CELF2: variants seen among roughly 807,000 people sequenced by gnomAD.
The protein encoded by CELF2 is CUGBP Elav-like family member 2, also known as CUG triplet repeat RNA-binding protein 2.
CELF2 carries 8 observed loss-of-function variants against 62.6 expected under a neutral mutation model. The ratio of observed to expected loss-of-function variants is 0.13; its 90% CI spans 0.07 to 0.23. The LOEUF (loss-of-function observed/expected upper bound fraction) is 0.23. CELF2 is among the 10% of genes least tolerant of loss of function. The pLI is 1.00. For missense variants in CELF2, 333 were observed against 671.0 expected (o/e 0.50, Z 5.56); for synonymous variants, 258 against 250.0 (o/e 1.03, Z -0.30).
chr10:10,706,842 G>A, the CELF2 span, among the ~76,000 whole-genome samples: 2 of 152,154 alleles, frequency 1.3e-5, no homozygotes, highest in East Asian at 3.8e-4. Flanking sequence ...CAAAACCTTA[G>A]GCAGCTAGAT....
At chr10:10,961,760 GAAA>G (rs67279619) in intron 2 of CELF2, among the ~76,000 whole-genome samples, 2 of 141,434 alleles carry the variant, frequency 1.4e-5, no homozygotes, top group South Asian at 4.5e-4. Flanking sequence ...CAAAAAAAAA[GAAA>G]AAAAAAAAGA....
In CELF2 at chr10:11,165,009, C is replaced by T. The variant is rs1425023218; in HGVS notation, c.75-477C>T. 8 of 958,398 alleles carry T rather than the reference C, an allele frequency of 8.3e-6. No individual in the cohort carries two copies. The East Asian group carries it at 4.6e-4, about 55-fold the overall frequency. 59.4% of individuals were successfully genotyped at this position (958,398 alleles called of 1,614,324 possible). On this transcript the variant is annotated intron_variant, in intron 1 of 12. Coordinates refer to ENST00000633077, the MANE Select transcript of CELF2 (RefSeq NM_001326342.2). The surrounding 1 kb of genome is among the most constrained non-coding windows in gnomAD (Gnocchi z 7.4). ...TGACTTTATTATTACCACCTCTCTC[C>T]TCTCTTCCAAAAACCTCCCAAAAAG...
At chr10:11,124,024 A>G (rs993608241) in intron 1 of CELF2, among the ~76,000 whole-genome samples, 2 of 152,222 alleles carry the variant, frequency 1.3e-5, no homozygotes, top group African/African-American at 4.8e-5. Flanking sequence ...GTCACGTCTT[A>G]CATGGTGGCA....
At chr10:11,118,509 C>T (rs139648766) in intron 1 of CELF2, among the ~76,000 whole-genome samples, 1 of 152,206 alleles carries the variant, frequency 6.6e-6, no homozygotes, top group African/African-American at 2.4e-5. Flanking sequence ...TACGTCACTT[C>T]TGTTAAAAGA....
chr10:11,245,725 G>A (rs1341307740), intron 3 of CELF2, among the ~76,000 whole-genome samples: 2 of 152,220 alleles, frequency 1.3e-5, no homozygotes, highest in African/African-American at 4.8e-5. Context: ...CAGCTATAGA[G>A]ATCAGGTCCT....
chr10:10,970,805 A>G (rs1218575960), intron 2 of CELF2: 9 of 152,104 alleles, frequency 5.9e-5, no homozygotes, highest in Non-Finnish European at 1.5e-5. Flanking sequence ...TACACTCTTC[A>G]ATTCACCAAA....
chr10:11,187,901 G>A (rs550053414), intron 2 of CELF2, among the ~76,000 whole-genome samples: 4 of 152,078 alleles, frequency 2.6e-5, no homozygotes, highest in South Asian at 4.2e-4. Flanking sequence ...AAACTATCTC[G>A]CCTGTTTATG....
the CELF2 span, among the ~76,000 whole-genome samples, chr10:10,686,319 G>GGGT: frequency 2.5e-5 from 2 of 81,016 alleles, no homozygotes; most frequent in Admixed American, 1.8e-4. Context: ...TTGGGGGGGG[G>GGGT]GGTGGGGTGG....
In CELF2 at chr10:11,335,905, AAAG is replaced by A. The variant is rs2133038944; in HGVS notation, c.*6856_*6858del. On this transcript the variant is annotated 3_prime_UTR_variant, in exon 13 of 13. Coordinates refer to ENST00000633077, the MANE Select transcript of CELF2 (RefSeq NM_001326342.2). The surrounding 1 kb of genome is among the most constrained non-coding windows in gnomAD (Gnocchi z 5.0). ...TTTCTAAAGCAACAAATAATTCTCC[AAAG>A]AAGGGGATGAAAATGCTAGTTCCTT... The A allele has an allele frequency of 6.6e-6, 1 of 152,364 alleles. No individual in the cohort carries two copies. The highest frequency in any genetic ancestry group is 2.4e-5 in the African/African-American group (1 of 41,578). The allele number at this position is 152,364 out of a possible 1,614,324, so 9.4% of individuals were successfully genotyped here.
intron 1 of CELF2, among the ~76,000 whole-genome samples, chr10:11,125,671 G>A (rs1595759980): frequency 6.6e-6 from 1 of 152,128 alleles, no homozygotes; most frequent in Admixed American, 6.6e-5. Context: ...GGTGATGGTA[G>A]CGTTTTGCCA....
chr10:10,640,945 AG>A, the CELF2 span, among the ~76,000 whole-genome samples: 2 of 151,998 alleles, frequency 1.3e-5, no homozygotes, highest in Non-Finnish European at 2.9e-5. Flanking sequence ...CTTGGCTTTG[AG>A]GGCCAAAGAG....
At chr10:10,616,715 TGTGTGAGAGAGAGAGAGA>T in the CELF2 span, among the ~76,000 whole-genome samples, 1 of 131,662 alleles carries the variant, frequency 7.6e-6, no homozygotes, top group African/African-American at 2.7e-5. Flanking sequence ...TGTGTGTGTG[TGTGTGAGAGAGAGAGAGA>T]GAGAGAGAGA....
the CELF2 span, among the ~76,000 whole-genome samples, chr10:10,515,742 G>T: frequency 1.3e-5 from 2 of 152,144 alleles, no homozygotes; most frequent in African/African-American, 4.8e-5. Context: ...CTCCTGTATC[G>T]CCATTTAGTA....
chr10:10,999,408 T>G (rs1168353809), intron 2 of CELF2, among the ~76,000 whole-genome samples: 6 of 152,138 alleles, frequency 3.9e-5, no homozygotes, highest in South Asian at 2.1e-4. Flanking sequence ...GAGGGTGATA[T>G]AGAAAGGTAA....
Position 10,993,399 on chromosome 10 carries a change from G to C in CELF2, c.89+73400G>C, listed in dbSNP as rs1025854623. On this transcript the variant is annotated intron_variant, in intron 2 of 13. Transcript: ENST00000636488. The surrounding 1 kb of genome is among the most constrained non-coding windows in gnomAD (Gnocchi z 5.3). ...AACACTTTCAGGGCAGGTGATATTT[G>C]AACTGCAACTGTAAGGATGAGCAGG... is the stretch of plus-strand genomic sequence containing the variant. Among the ~76,000 whole-genome samples, 2 of 152,090 alleles carry C rather than the reference G, an allele frequency of 1.3e-5. No homozygotes were observed. Among genetic ancestry groups the C allele is most frequent in the Non-Finnish European group, 2.9e-5 (2 of 68,020 alleles).
the CELF2 span, among the ~76,000 whole-genome samples, chr10:10,508,168 CAAA>C: frequency 6.4e-4 from 95 of 149,012 alleles, no homozygotes; most frequent in Admixed American, 2.3e-3. Flanking sequence ...CAGACAAATA[CAAA>C]AAAAAAAAAA....
the CELF2 span, among the ~76,000 whole-genome samples, chr10:10,546,269 CA>C: frequency 6.6e-6 from 1 of 152,120 alleles, no homozygotes; most frequent in Non-Finnish European, 1.5e-5. Flanking sequence ...CAGTCAGCAC[CA>C]AATCATCTCT....
In CELF2 at chr10:11,309,587, G is replaced by A. The variant is rs551581935; in HGVS notation, c.977-4552G>A. 6.6e-6 allele frequency among the ~76,000 whole-genome samples: 1 copy of A among 152,256 alleles called. No individual in the cohort carries two copies. Among genetic ancestry groups the A allele is most frequent in the African/African-American group, 2.4e-5 (1 of 41,540 alleles). On this transcript the variant is annotated intron_variant, in intron 9 of 12. Coordinates refer to ENST00000633077, the MANE Select transcript of CELF2 (RefSeq NM_001326342.2). This position sits in a 1 kb window ranked among gnomAD's most constrained non-coding sequence, Gnocchi z 5.6. ...TTGCGCTATTATTTTTGGCCCAGGA[G>A]CATAAATTGTCCCCACAGTCTGCTC...
At chr10:11,171,875 A>G (rs761789410) in intron 2 of CELF2, among the ~76,000 whole-genome samples, 11 of 152,226 alleles carry the variant, frequency 7.2e-5, no homozygotes, top group Non-Finnish European at 1.2e-4. Context: ...TTTGTAAGGA[A>G]TGCCTTTGGC....
Sources: allele counts gnomAD v4.1 joint callset (sites outside exome capture counted in the v4.1 genomes callset), GRCh38; gene constraint gnomAD v4.1.1; non-coding constraint Gnocchi (gnomAD v3.1); transcripts MANE v1.5; gene names NCBI Gene and HGNC (gene_info 2026-07-23, HGNC 2026-07-21).